Variants in BCO2 observed in about 807,000 individuals in gnomAD.
The protein encoded by BCO2 is carotenoid-cleaving dioxygenase, mitochondrial.
A neutral mutation model predicts 65.8 loss-of-function variants in BCO2; 56 were observed. The observed-to-expected ratio is 0.85, with a 90% CI of 0.69 to 1.06. The LOEUF (loss-of-function observed/expected upper bound fraction) is 1.06. Among genes scored for constraint, BCO2 ranks in the 50% least tolerant of loss-of-function variants. BCO2 has a pLI of 0.00. For synonymous variants in BCO2, 233 were observed against 242.3 expected (o/e 0.96, Z 0.36); for missense variants, 675 against 698.5 (o/e 0.97, Z 0.38).
chr11:112,203,142 C>A (rs568491803), intron 8 of BCO2, among the ~76,000 whole-genome samples: 1 of 151,938 alleles, frequency 6.6e-6, no homozygotes, highest in Admixed American at 6.6e-5. Context: ...CAAAGTAGAC[C>A]GTCAATCAGT....
intron 2 of BCO2, among the ~76,000 whole-genome samples, chr11:112,185,237 C>T (rs1867166877): frequency 6.6e-6 from 1 of 152,110 alleles, no homozygotes; most frequent in Admixed American, 6.6e-5. Flanking sequence ...AACTGCAGAA[C>T]AATCTGAAAG....
intron 8 of BCO2, among the ~76,000 whole-genome samples, chr11:112,204,088 A>G (rs1867807213): frequency 6.6e-6 from 1 of 152,130 alleles, no homozygotes; most frequent in Admixed American, 6.5e-5. Context: ...TCTTGACTTC[A>G]GGTGATCTGC....
chr11:112,186,198 T>A (rs533982943), intron 2 of BCO2, among the ~76,000 whole-genome samples: 1 of 152,030 alleles, frequency 6.6e-6, no homozygotes, highest in Admixed American at 6.6e-5. Context: ...ATATGGTATT[T>A]CACCTGCTGC....
chr11:112,217,393 C>T (rs867520742), intron 11 of BCO2, among the ~76,000 whole-genome samples: 17 of 152,156 alleles, frequency 1.1e-4, no homozygotes, highest in African/African-American at 2.9e-4. Context: ...GACAGGGTCT[C>T]GCTCTGTCAC....
chr11:112,186,369 C>T (rs1330363565), intron 2 of BCO2, among the ~76,000 whole-genome samples: 1 of 152,164 alleles, frequency 6.6e-6, no homozygotes, highest in Non-Finnish European at 1.5e-5. Context: ...TCAGTTTCTT[C>T]AGAGCCAGTG....
At chr11:112,189,270 C>G (rs1167396926) in intron 2 of BCO2, among the ~76,000 whole-genome samples, 1 of 152,092 alleles carries the variant, frequency 6.6e-6, no homozygotes, top group Non-Finnish European at 1.5e-5. Context: ...AGGATAACCT[C>G]AGCACTTTGG....
At chr11:112,201,891 G>T in intron 7 of BCO2, 132 bp from the exon 8 acceptor site, 1 of 673,290 alleles carries the variant, frequency 1.5e-6, no homozygotes, top group Non-Finnish European at 2.4e-6. Context: ...ATATATACTG[G>T]ACCTGCCACT....
rs572084016 is a variant in BCO2, at chr11:112,194,055, T to C, written c.633+61T>C. On this transcript the variant is annotated intron_variant, in intron 4 of 11. Coordinates refer to ENST00000357685, the MANE Select transcript of BCO2 (RefSeq NM_031938.7). ...TCCTAACATTTCTTTCCATTTGAAA[T>C]ACTTTTTAGAGTAGTATATATCAAG... The C allele has an allele frequency of 4.0e-6, 4 of 995,692 alleles. 1 individual carries two copies. The South Asian group carries it at 5.2e-5, about 13-fold the overall frequency. 61.7% of individuals were successfully genotyped at this position (995,692 alleles called of 1,614,324 possible).
intron 5 of BCO2, among the ~76,000 whole-genome samples, chr11:112,198,422 C>T (rs1171355051): frequency 6.6e-6 from 1 of 151,998 alleles, no homozygotes; most frequent in Admixed American, 6.6e-5. Flanking sequence ...ACTAAGAACA[C>T]TCAGAATGGT....
intron 2 of BCO2, chr11:112,182,895 CTG>C (rs1316908091): frequency 3.9e-6 from 5 of 1,279,946 alleles, no homozygotes; most frequent in Non-Finnish European, 1.1e-6. Context: ...ATCCCTGAAA[CTG>C]TGTAATTTTG....
chr11:112,192,925 GTTTTTTT>G (rs71060229), intron 2 of BCO2, among the ~76,000 whole-genome samples: 2 of 36,658 alleles, frequency 5.5e-5, no homozygotes, highest in African/African-American at 2.1e-4. Context: ...AAAATGTGAG[GTTTTTTT>G]TTTTTTTTTT....
At chr11:112,187,660 T>C (rs2135359088) in intron 2 of BCO2, among the ~76,000 whole-genome samples, 1 of 152,262 alleles carries the variant, frequency 6.6e-6, no homozygotes, top group Admixed American at 6.5e-5. Context: ...ACCTCCGCAC[T>C]TCCCCACACT....
intron 2 of BCO2, among the ~76,000 whole-genome samples, chr11:112,186,260 G>A (rs536481941): frequency 6.0e-4 from 92 of 152,298 alleles, no homozygotes; most frequent in African/African-American, 2.1e-3. Flanking sequence ...AACCACTCAG[G>A]GCCCAGGCTT....
At chr11:112,188,601 A>G (rs1332930343) in intron 2 of BCO2, among the ~76,000 whole-genome samples, 2 of 151,960 alleles carry the variant, frequency 1.3e-5, no homozygotes, top group African/African-American at 2.4e-5. Context: ...AAGATACTAT[A>G]TGTCTTCTGA....
At chr11:112,209,961 T>A (rs1263120007) in intron 8 of BCO2, among the ~76,000 whole-genome samples, 1 of 152,228 alleles carries the variant, frequency 6.6e-6, no homozygotes, top group East Asian at 1.9e-4. Flanking sequence ...GTTTTGTGGT[T>A]TTTCTAGTCT....
intron 8 of BCO2, among the ~76,000 whole-genome samples, chr11:112,206,099 C>T (rs184342139): frequency 1.2e-3 from 186 of 152,324 alleles, no homozygotes; most frequent in Non-Finnish European, 1.9e-3. Context: ...CAGGCAGAGG[C>T]GCTCCTCACA....
intron 1 of BCO2, chr11:112,176,432 G>A (rs1866882435): frequency 7.4e-6 from 1 of 135,990 alleles, no homozygotes; most frequent in South Asian, 2.4e-4. Flanking sequence ...AAATGACATG[G>A]CAACTGGATC....
intron 8 of BCO2, among the ~76,000 whole-genome samples, chr11:112,208,420 C>CTTT (rs56317720): frequency 2.8e-5 from 4 of 143,002 alleles, no homozygotes; most frequent in Non-Finnish European, 3.0e-5. Context: ...TGTATATTGG[C>CTTT]TTTTTTTTTT....
At chr11:112,199,676 A>C (rs147524078) in intron 5 of BCO2, 23 bp from the exon 6 acceptor site, 1 of 1,609,500 alleles carries the variant, frequency 6.2e-7, no homozygotes, top group East Asian at 2.2e-5. Flanking sequence ...AAAACAGGTA[A>C]GATAGGACTT....
Sources: gnomAD v4.1 joint callset for allele counts (sites outside exome capture counted in the v4.1 genomes callset) on GRCh38, gnomAD v4.1.1 for gene constraint, MANE v1.5 for transcripts, NCBI Gene and HGNC (gene_info 2026-07-23, HGNC 2026-07-21) for gene names.